The following STXBP6 variants were observed in gnomAD, a reference collection of about 807,000 sequenced individuals.
STXBP6 encodes syntaxin-binding protein 6.
Under a neutral mutation model 26.9 loss-of-function variants are expected in STXBP6, and 21 were observed. The observed-to-expected ratio is 0.78, with a 90% CI of 0.55 to 1.12. The LOEUF (loss-of-function observed/expected upper bound fraction) is 1.12. STXBP6 is among the 50% of genes most tolerant of loss of function. The pLI is 0.00. For missense variants in STXBP6, 232 were observed against 257.9 expected (o/e 0.90, Z 0.69); for synonymous variants, 97 against 92.6 (o/e 1.05, Z -0.27).
intron 1 of STXBP6, among the ~76,000 whole-genome samples, chr14:24,997,749 C>T (rs925824945): frequency 1.3e-5 from 2 of 152,070 alleles, no homozygotes; most frequent in African/African-American, 2.4e-5. Flanking sequence ...AACAGCATGC[C>T]GTACAATCTC....
intron 2 of STXBP6, among the ~76,000 whole-genome samples, chr14:24,968,191 A>AT (rs58906302): frequency 2.7e-5 from 4 of 148,132 alleles, no homozygotes; most frequent in Admixed American, 6.8e-5. Context: ...ATATATATAT[A>AT]AAATTATTGC....
At chr14:24,894,891 C>CT (rs66655858) in intron 2 of STXBP6, among the ~76,000 whole-genome samples, 139 of 150,688 alleles carry the variant, frequency 9.2e-4, no homozygotes, top group African/African-American at 4.9e-4. Flanking sequence ...TTCTCTCTCT[C>CT]TTTTTTTTTT....
At chr14:24,903,232 TTTTG>T (rs565117535) in intron 2 of STXBP6, among the ~76,000 whole-genome samples, 29 of 152,254 alleles carry the variant, frequency 1.9e-4, no homozygotes, top group Admixed American at 3.3e-4. Flanking sequence ...TTATTCTCTG[TTTTG>T]TTTGTTTGTT....
chr14:24,825,886 T>A lies in STXBP6; in HGVS notation c.452-6692A>T, dbSNP rs567943861. The stretch of plus-strand genomic sequence containing the variant: ...ACTTAACCTTGGTTCTTATGAATAG[T>A]TACAGGGTATCAGGAGAATGAATTC... On this transcript the variant is annotated intron_variant, in intron 4 of 5. Coordinates refer to ENST00000323944, the MANE Select transcript of STXBP6 (RefSeq NM_001394410.1). Among the ~76,000 whole-genome samples, 18 of 152,350 alleles carry A rather than the reference T, an allele frequency of 1.2e-4. No homozygotes were observed. The South Asian group carries it at 3.5e-3, about 30-fold the overall frequency.
At chr14:24,889,310 TAAC>T (rs1242078281) in intron 2 of STXBP6, among the ~76,000 whole-genome samples, 1 of 127,122 alleles carries the variant, frequency 7.9e-6, no homozygotes, top group African/African-American at 3.1e-5. Context: ...ACAACAACAA[TAAC>T]AACGACTATC....
intron 2 of STXBP6, among the ~76,000 whole-genome samples, chr14:24,909,229 T>G (rs2071484895): frequency 6.6e-6 from 1 of 152,240 alleles, no homozygotes; most frequent in Non-Finnish European, 1.5e-5. Context: ...AAGGTCAACT[T>G]ACAAACTTTA....
chr14:25,004,563 T>C (rs999977532), intron 1 of STXBP6, among the ~76,000 whole-genome samples: 5 of 152,222 alleles, frequency 3.3e-5, no homozygotes, highest in Non-Finnish European at 7.3e-5. Flanking sequence ...AATATACCTC[T>C]CAGCTCCTGA....
At chr14:24,914,063 G>A (rs2071669470) in intron 2 of STXBP6, among the ~76,000 whole-genome samples, 2 of 152,030 alleles carry the variant, frequency 1.3e-5, no homozygotes, top group South Asian at 4.2e-4. Context: ...TACTAAAGCT[G>A]GTATCAGAAA....
chr14:24,815,396 C>A (rs2067941902), intron 5 of STXBP6, among the ~76,000 whole-genome samples: 1 of 151,332 alleles, frequency 6.6e-6, no homozygotes, highest in Non-Finnish European at 1.5e-5. Flanking sequence ...TGATACCAGG[C>A]AGATATAGTA....
At chr14:24,829,862 GGTGT>G (rs1238842880) in intron 4 of STXBP6, among the ~76,000 whole-genome samples, 1 of 151,894 alleles carries the variant, frequency 6.6e-6, no homozygotes, top group Non-Finnish European at 1.5e-5. Flanking sequence ...TATGTGTAGG[GGTGT>G]GTATGTGTAA....
At chr14:24,850,700 T>C (rs1406330773) in intron 4 of STXBP6, among the ~76,000 whole-genome samples, 1 of 152,124 alleles carries the variant, frequency 6.6e-6, no homozygotes, top group African/African-American at 2.4e-5. Flanking sequence ...TAAGTCAAGC[T>C]GGTGAAGGTG....
intron 1 of STXBP6, among the ~76,000 whole-genome samples, chr14:25,037,104 C>T (rs34749603): frequency 6.6e-6 from 1 of 152,114 alleles, no homozygotes; most frequent in African/African-American, 2.4e-5. Context: ...TGGCAGGACC[C>T]TGAAAGGCCC....
At chr14:24,819,838 G>A (rs1412747243) in intron 4 of STXBP6, among the ~76,000 whole-genome samples, 3 of 152,132 alleles carry the variant, frequency 2.0e-5, no homozygotes, top group Non-Finnish European at 4.4e-5. Flanking sequence ...GGATGGTTGG[G>A]ACTCCTTACC....
chr14:24,955,367 T>C (rs1417135045), intron 2 of STXBP6, among the ~76,000 whole-genome samples: 1 of 152,208 alleles, frequency 6.6e-6, no homozygotes, highest in Non-Finnish European at 1.5e-5. Context: ...CTCCACCTGC[T>C]GTAACAGCCA....
chr14:24,943,201 C>T (rs1308805317), intron 2 of STXBP6, among the ~76,000 whole-genome samples: 1 of 152,180 alleles, frequency 6.6e-6, no homozygotes, highest in Non-Finnish European at 1.5e-5. Flanking sequence ...CAATGAAACG[C>T]ACTTGGAAGT....
intron 4 of STXBP6, among the ~76,000 whole-genome samples, chr14:24,832,133 C>T (rs1184077854): frequency 1.3e-5 from 2 of 152,158 alleles, no homozygotes; most frequent in African/African-American, 2.4e-5. Context: ...TGGAGAACTT[C>T]GCCCCATTGA....
intron 1 of STXBP6, among the ~76,000 whole-genome samples, chr14:25,032,013 G>T (rs2075465481): frequency 6.6e-6 from 1 of 152,002 alleles, no homozygotes; most frequent in Non-Finnish European, 1.5e-5. Context: ...GAAGAAATAT[G>T]GTGGTAAATA....
intron 4 of STXBP6, among the ~76,000 whole-genome samples, chr14:24,822,930 G>A (rs866666430): frequency 2.6e-5 from 4 of 152,222 alleles, no homozygotes; most frequent in South Asian, 2.1e-4. Context: ...CAAAAGTTGG[G>A]ACTCATCATA....
At chr14:24,984,187 G>A (rs1353337404) in intron 1 of STXBP6, among the ~76,000 whole-genome samples, 1 of 152,120 alleles carries the variant, frequency 6.6e-6, no homozygotes. Context: ...AGCCGAGATC[G>A]TGCGACTGCA....
Sources: gnomAD v4.1 joint callset for allele counts (sites outside exome capture counted in the v4.1 genomes callset) on GRCh38, gnomAD v4.1.1 for gene constraint, MANE v1.5 for transcripts, NCBI Gene and HGNC (gene_info 2026-07-23, HGNC 2026-07-21) for gene names.